ZNF609: variants seen among roughly 807,000 people sequenced by gnomAD.
ZNF609 encodes the protein zinc finger protein 609.
Under a neutral mutation model 109.5 loss-of-function variants are expected in ZNF609, and 11 were observed. The ratio of observed to expected loss-of-function variants is 0.10; its 90% CI spans 0.06 to 0.17. The LOEUF (loss-of-function observed/expected upper bound fraction) is 0.17. ZNF609 is among the 10% of genes least tolerant of loss of function. The pLI, the probability that ZNF609 is intolerant of heterozygous loss-of-function variation, is 1.00. For synonymous variants in ZNF609, 646 were observed against 662.0 expected (o/e 0.98, Z 0.37); for missense variants, 1,559 against 1,772.4 (o/e 0.88, Z 2.16).
chr15:64,531,458 G>A lies in ZNF609; in HGVS notation c.747+31292G>A, dbSNP rs116195868. Among the ~76,000 whole-genome samples, 1,006 of 152,204 alleles carry A rather than the reference G, an allele frequency of 6.6e-3. 15 individuals are homozygous for A. Among genetic ancestry groups the A allele is most frequent in the African/African-American group, 0.022 (926 of 41,516 alleles). ...GTCACCCAGGCTGCAGTGCAGTGGC[G>A]ACAATCATGGCTCACTGCAACTTCC... On this transcript the variant is annotated intron_variant, in intron 2 of 9. Coordinates refer to ENST00000326648, the MANE Select transcript of ZNF609 (RefSeq NM_015042.2).
intron 2 of ZNF609, among the ~76,000 whole-genome samples, chr15:64,572,596 T>C (rs1183934994): frequency 1.3e-5 from 2 of 152,046 alleles, no homozygotes; most frequent in Non-Finnish European, 2.9e-5. Flanking sequence ...CTTTTTCCAG[T>C]AAATTAGAAA....
In ZNF609 at chr15:64,646,170, A is replaced by C. The variant is rs113463622; in HGVS notation, c.973+23118A>C. Among the ~76,000 whole-genome samples, 562 of 152,354 alleles carry C rather than the reference A, an allele frequency of 3.7e-3. 4 individuals carry two copies. The highest frequency in any genetic ancestry group is 0.013 in the African/African-American group (541 of 41,594). The stretch of plus-strand genomic sequence containing the variant: ...GATGAATGGATAAACAATGTGGTAT[A>C]GCCATACAATGGAATATTATTCAGC... On this transcript the variant is annotated intron_variant, in intron 3 of 9. Coordinates refer to ENST00000326648, the MANE Select transcript of ZNF609 (RefSeq NM_015042.2).
chr15:64,634,208 C>G (rs1417905369), intron 3 of ZNF609, among the ~76,000 whole-genome samples: 1 of 152,096 alleles, frequency 6.6e-6, no homozygotes, highest in Non-Finnish European at 1.5e-5. Flanking sequence ...ACTCTGGCCC[C>G]TGTTACCCAG....
intron 4 of ZNF609, among the ~76,000 whole-genome samples, chr15:64,672,659 G>A (rs1326511938): frequency 6.8e-6 from 1 of 146,244 alleles, no homozygotes; most frequent in Non-Finnish European, 1.5e-5. Flanking sequence ...GACCATAATA[G>A]TTGCCCTGAT....
intron 2 of ZNF609, among the ~76,000 whole-genome samples, chr15:64,575,842 C>T (rs935229044): frequency 6.6e-6 from 1 of 152,166 alleles, no homozygotes; most frequent in Non-Finnish European, 1.5e-5. Flanking sequence ...GTGGCTCACG[C>T]CTGTAATCCC....
intron 2 of ZNF609, among the ~76,000 whole-genome samples, chr15:64,581,314 G>C (rs1895100609): frequency 6.6e-6 from 1 of 151,972 alleles, no homozygotes; most frequent in Non-Finnish European, 1.5e-5. Context: ...CATACATGTG[G>C]CTTGCTTTTT....
rs1355386911 is a variant in ZNF609 at position 64,675,940 on chromosome 15, T to C, written c.3086T>C (p.Leu1029Pro). The C allele has an allele frequency of 6.2e-7, 1 of 1,614,024 alleles. No homozygotes were observed. Among genetic ancestry groups the C allele is most frequent in the Non-Finnish European group, 8.5e-7 (1 of 1,180,012 alleles). Residue 1029 changes from leucine (L) to proline (P), a missense_variant, in exon 5 of 10, where the codon CTG becomes CCG. This residue lies in a region of ZNF609 where 1,204 missense variants were observed against 1,314.1 expected (regional missense o/e 0.92). Transcript: ENST00000326648. ...GTGGACAAGAAGGCAGAGATGGGCC[T>C]GAAGGAGCGGGAGGCAGCACTCAAG... Reference protein sequence around the residue: ...RGVDKKAEMGLKEREAALKEE... With the variant: ...RGVDKKAEMGPKEREAALKEE...
At chr15:64,567,036 C>T (rs547667671) in intron 2 of ZNF609, among the ~76,000 whole-genome samples, 68 of 152,194 alleles carry the variant, frequency 4.5e-4, no homozygotes, top group African/African-American at 1.5e-3. Flanking sequence ...ATATGAGTTT[C>T]GCCTATTAGG....
intron 1 of ZNF609, among the ~76,000 whole-genome samples, chr15:64,491,018 G>A (rs1021930132): frequency 9.2e-5 from 14 of 152,178 alleles, no homozygotes; most frequent in Non-Finnish European, 1.3e-4. Flanking sequence ...TGTTGAATTG[G>A]ATCTGTCTTC....
At position 64,485,827 on chromosome 15, in the gene ZNF609, C is replaced by A. The variant is rs116024598; in HGVS notation, c.-127-13466C>A. On this transcript the variant is annotated intron_variant, in intron 1 of 9. Coordinates refer to ENST00000326648, the MANE Select transcript of ZNF609 (RefSeq NM_015042.2). ...ATAGTAATAATAATGCAGAGGGATC[C>A]TTTGTACCCTTGACCTAGTTTCCTC... Among the ~76,000 whole-genome samples the A allele has an allele frequency of 2.4e-3, 368 of 152,246 alleles. 2 individuals carry two copies. Among genetic ancestry groups the A allele is most frequent in the African/African-American group, 8.5e-3 (355 of 41,550 alleles).
intron 1 of ZNF609, among the ~76,000 whole-genome samples, chr15:64,479,581 G>A (rs1043792069): frequency 4.0e-5 from 6 of 151,632 alleles, no homozygotes; most frequent in African/African-American, 1.2e-4. Context: ...ATGAGCCACC[G>A]CGCCTGGCCC....
chr15:64,471,474 T>C (rs1256107808), intron 1 of ZNF609: 1 of 152,218 alleles, frequency 6.6e-6, no homozygotes, highest in Non-Finnish European at 1.5e-5. Context: ...CCCAGCCATC[T>C]ATAGCACATT....
At chr15:64,603,107 C>G (rs796892355) in intron 2 of ZNF609, among the ~76,000 whole-genome samples, 1 of 151,516 alleles carries the variant, frequency 6.6e-6, no homozygotes, top group Non-Finnish European at 1.5e-5. Flanking sequence ...AAAACTCATA[C>G]CTAAAGTTGA....
At position 64,681,426 on chromosome 15, in the gene ZNF609, C is replaced by T. The variant is rs376487587; in HGVS notation, c.*5+39C>T. Reference sequence around the variant, plus strand: ...ATTAATTTGGGGCAACACATAAAGCCGGGATAGTTGCTACCTGGATCACAG... The same window carrying T: ...ATTAATTTGGGGCAACACATAAAGCTGGGATAGTTGCTACCTGGATCACAG... On this transcript the variant is annotated intron_variant, in intron 9 of 9. Transcript: ENST00000326648. The T allele has an allele frequency of 1.9e-5, 29 of 1,544,938 alleles. No individual in the cohort carries two copies. In the African/African-American group the frequency reaches 2.4e-4, roughly 13 times the overall value.
chr15:64,501,817 G>A (rs1469310157), intron 2 of ZNF609: 3 of 152,184 alleles, frequency 2.0e-5, no homozygotes, highest in Admixed American at 2.0e-4. Context: ...ATAGTCTGTG[G>A]ATGAAAGGAT....
At position 64,536,672 on chromosome 15, in the gene ZNF609, T is replaced by A. The variant is rs369121383; in HGVS notation, c.747+36506T>A. On this transcript the variant is annotated intron_variant, in intron 2 of 9. Transcript: ENST00000326648. The stretch of plus-strand genomic sequence containing the variant: ...CAGGAGGATCACTAGAGCTAAGGAG[T>A]TCGAGATCAGCCTGGGCAACCTAGC... 4.7e-5 allele frequency among the ~76,000 whole-genome samples: 7 copies of A among 148,228 alleles called. No individual in the cohort carries two copies. In the East Asian group the frequency reaches 1.2e-3, roughly 26 times the overall value.
At chr15:64,492,861 A>G (rs1024775602) in intron 1 of ZNF609, among the ~76,000 whole-genome samples, 5 of 152,134 alleles carry the variant, frequency 3.3e-5, no homozygotes, top group Non-Finnish European at 7.4e-5. Flanking sequence ...TTACTACACC[A>G]TGCTACCCTC....
intron 2 of ZNF609, among the ~76,000 whole-genome samples, chr15:64,605,797 G>A (rs1444933544): frequency 4.2e-5 from 6 of 144,394 alleles, no homozygotes; most frequent in South Asian, 2.2e-4. Flanking sequence ...GCAGTGGCGC[G>A]ATCTCGGCTC....
At chr15:64,539,175 TTTATTTA>T (rs1433858669) in intron 2 of ZNF609, among the ~76,000 whole-genome samples, 7 of 105,854 alleles carry the variant, frequency 6.6e-5, no homozygotes, top group African/African-American at 1.2e-4. Context: ...TATTTATTTA[TTTATTTA>T]TTTATTTATT....
Sources: allele counts gnomAD v4.1 joint callset (sites outside exome capture counted in the v4.1 genomes callset), GRCh38; gene constraint gnomAD v4.1.1; regional missense constraint gnomAD v4.1.1; transcripts MANE v1.5; gene names NCBI Gene and HGNC (gene_info 2026-07-23, HGNC 2026-07-21).